Variants in MYO1D observed in about 807,000 individuals in gnomAD.
The protein encoded by MYO1D is myosin ID.
A neutral mutation model predicts 122.0 loss-of-function variants in MYO1D; 83 were observed. That is an observed-to-expected ratio of 0.68 (90% CI 0.57 to 0.82). The LOEUF (loss-of-function observed/expected upper bound fraction) is 0.82. Among genes scored for constraint, MYO1D ranks in the 40% least tolerant of loss-of-function variants. MYO1D has a pLI of 0.00. For missense variants in MYO1D, 1,157 were observed against 1,269.5 expected (o/e 0.91, Z 1.35); for synonymous variants, 464 against 446.9 (o/e 1.04, Z -0.48).
At chr17:32,562,595 A>G (rs2087136116) in intron 21 of MYO1D, among the ~76,000 whole-genome samples, 2 of 151,792 alleles carry the variant, frequency 1.3e-5, no homozygotes, top group Admixed American at 6.6e-5. Flanking sequence ...TGATTCTTCT[A>G]CCTCAGCCTC....
intron 15 of MYO1D, among the ~76,000 whole-genome samples, chr17:32,712,771 C>T (rs1317300326): frequency 6.6e-6 from 1 of 152,210 alleles, no homozygotes; most frequent in Non-Finnish European, 1.5e-5. Context: ...GTCAACAGCT[C>T]CTTGTCATGT....
At chr17:32,600,639 C>T (rs1035928168) in intron 21 of MYO1D, among the ~76,000 whole-genome samples, 1 of 152,118 alleles carries the variant, frequency 6.6e-6, no homozygotes, top group African/African-American at 2.4e-5. Flanking sequence ...GCAGCTTCCT[C>T]ACCTCTCTCA....
chr17:32,860,919 G>A (rs972442662), intron 1 of MYO1D, among the ~76,000 whole-genome samples: 3 of 152,046 alleles, frequency 2.0e-5, no homozygotes, highest in Admixed American at 2.0e-4. Flanking sequence ...ATGAAGAAAA[G>A]TAAATCCCCT....
At chr17:32,536,097 A>G (rs1910658058) in intron 21 of MYO1D, among the ~76,000 whole-genome samples, 1 of 151,656 alleles carries the variant, frequency 6.6e-6, no homozygotes, top group Non-Finnish European at 1.5e-5. Flanking sequence ...CAGTGATATG[A>G]TCTTGGCTCA....
At chr17:32,695,025 T>C (rs2089153817) in intron 16 of MYO1D, among the ~76,000 whole-genome samples, 2 of 152,184 alleles carry the variant, frequency 1.3e-5, no homozygotes, top group South Asian at 4.1e-4. Context: ...ATTTCTCACA[T>C]TTTTCTGCAT....
chr17:32,769,299 C>T (rs1218817926), intron 6 of MYO1D, among the ~76,000 whole-genome samples: 4 of 152,168 alleles, frequency 2.6e-5, no homozygotes, highest in Non-Finnish European at 5.9e-5. Context: ...GAGGACAGAG[C>T]TGTCCATGAG....
At chr17:32,528,543 C>A (rs1031218316) in intron 21 of MYO1D, among the ~76,000 whole-genome samples, 1 of 152,062 alleles carries the variant, frequency 6.6e-6, no homozygotes, top group Non-Finnish European at 1.5e-5. Flanking sequence ...CCCAAATATC[C>A]ACATCCTAAT....
At chr17:32,777,868 A>G (rs2090193317) in intron 3 of MYO1D, among the ~76,000 whole-genome samples, 1 of 152,162 alleles carries the variant, frequency 6.6e-6, no homozygotes, top group African/African-American at 2.4e-5. Context: ...CGGGAGGCGG[A>G]GCTTGCAGTG....
chr17:32,688,209 T>C (rs1017092586), intron 16 of MYO1D, among the ~76,000 whole-genome samples: 24 of 152,182 alleles, frequency 1.6e-4, no homozygotes, highest in African/African-American at 5.6e-4. Flanking sequence ...ATAAATTCCA[T>C]GGGAATAACC....
At chr17:32,573,103 CT>C (rs1354473796) in intron 21 of MYO1D, among the ~76,000 whole-genome samples, 1 of 152,104 alleles carries the variant, frequency 6.6e-6, no homozygotes. Context: ...ACTCGGTGTT[CT>C]GTAGCCTTAA....
chr17:32,827,674 C>A (rs1567661557), intron 1 of MYO1D, among the ~76,000 whole-genome samples: 1 of 151,984 alleles, frequency 6.6e-6, no homozygotes, highest in Non-Finnish European at 1.5e-5. Context: ...GACATGAACA[C>A]CCCCCAAAAA....
At chr17:32,507,059 T>A (rs765543597) in intron 21 of MYO1D, among the ~76,000 whole-genome samples, 13 of 152,202 alleles carry the variant, frequency 8.5e-5, no homozygotes, top group Non-Finnish European at 1.6e-4. Flanking sequence ...GATGCTCTCA[T>A]ACATATGATT....
At chr17:32,779,949 G>T (rs1177797211) in intron 2 of MYO1D, among the ~76,000 whole-genome samples, 1 of 152,310 alleles carries the variant, frequency 6.6e-6, no homozygotes, top group East Asian at 1.9e-4. Flanking sequence ...CAATTTGGGA[G>T]AGGCCATCCT....
chr17:32,691,752 T>C (rs1336602797), intron 16 of MYO1D, among the ~76,000 whole-genome samples: 2 of 152,156 alleles, frequency 1.3e-5, no homozygotes, highest in Admixed American at 6.6e-5. Flanking sequence ...TTCTTAAGAT[T>C]TTCCTTAGTA....
chr17:32,618,328 G>A (rs2087804108), intron 20 of MYO1D, among the ~76,000 whole-genome samples: 2 of 152,100 alleles, frequency 1.3e-5, no homozygotes, highest in Admixed American at 6.5e-5. Context: ...TGATTGACAA[G>A]GGCTTTCAAC....
At chr17:32,840,231 G>A (rs1402594879) in intron 1 of MYO1D, among the ~76,000 whole-genome samples, 3 of 152,158 alleles carry the variant, frequency 2.0e-5, no homozygotes, top group African/African-American at 7.2e-5. Flanking sequence ...GAGGATCTGG[G>A]GAGTTCAGGA....
intron 21 of MYO1D, among the ~76,000 whole-genome samples, chr17:32,574,704 T>C (rs991793696): frequency 6.6e-6 from 1 of 152,172 alleles, no homozygotes; most frequent in Non-Finnish European, 1.5e-5. Context: ...ACTATACAGA[T>C]TGAGAAAACA....
intron 11 of MYO1D, among the ~76,000 whole-genome samples, chr17:32,750,859 T>C (rs941878320): frequency 9.9e-5 from 15 of 152,162 alleles, no homozygotes; most frequent in African/African-American, 3.1e-4. Context: ...AAATGAACTA[T>C]TGAGAACAAA....
chr17:32,831,619 G>T (rs758847962), intron 1 of MYO1D, among the ~76,000 whole-genome samples: 1 of 152,164 alleles, frequency 6.6e-6, no homozygotes, highest in Non-Finnish European at 1.5e-5. Flanking sequence ...AATAAACAAG[G>T]TAAACAGCAA....
Sources: gnomAD v4.1 joint callset for allele counts (sites outside exome capture counted in the v4.1 genomes callset) on GRCh38, gnomAD v4.1.1 for gene constraint, MANE v1.5 for transcripts, NCBI Gene and HGNC (gene_info 2026-07-23, HGNC 2026-07-21) for gene names.